Variants in SIRT6 observed in about 807,000 individuals in gnomAD.
SIRT6 encodes the protein NAD-dependent protein deacylase sirtuin-6.
A neutral mutation model predicts 33.6 loss-of-function variants in SIRT6; 21 were observed. The observed-to-expected ratio is 0.62, with a 90% confidence interval of 0.44 to 0.90. SIRT6 has a LOEUF of 0.90. Among genes scored for constraint, SIRT6 ranks in the 40% least tolerant of loss-of-function variants. The pLI is 0.00. For synonymous variants in SIRT6, 221 were observed against 223.9 expected (o/e 0.99, Z 0.12); for missense variants, 504 against 510.6 (o/e 0.99, Z 0.12).
chr19:4,175,088 C>A lies in SIRT6; in HGVS notation c.678G>T (p.Pro226=), dbSNP rs373335637. The change falls in exon 7 of 8, where the codon CCG becomes CCT. Residue 226 remains proline, a synonymous_variant. Transcript: ENST00000337491. The stretch of plus-strand genomic sequence containing the variant: ...GGCCTCCCCGGCGCTTGGTAGCCAG[C>A]GGCAGGTTCCCGCTGGGCCGGATCT... ...SLQIRPSGNL[P]LATKRRGGRL... 8.2e-6 allele frequency: 13 copies of A among 1,583,576 alleles called. No individual in the cohort carries two copies. Among genetic ancestry groups the A allele is most frequent in the Non-Finnish European group, 1.1e-5 (13 of 1,166,456 alleles).
In SIRT6 at chr19:4,180,919, G is replaced by T. The variant is rs148090394; in HGVS notation, c.67-10C>A. ...CCGGGGGGTCGAAGATCTGTGGGGG[G>T]AGAGAGCAGACGGAGGGGTCAAAAC... On this transcript the variant is annotated splice_polypyrimidine_tract_variant and intron_variant, in intron 1 of 7. Transcript: ENST00000337491. The T allele has an allele frequency of 1.3e-5, 21 of 1,606,518 alleles. No homozygotes were observed. Among genetic ancestry groups the T allele is most frequent in the Non-Finnish European group, 1.6e-5 (19 of 1,176,610 alleles).
chr19:4,180,093 CTTTTTTTTTTTTT>C (rs71166971), intron 2 of SIRT6, among the ~76,000 whole-genome samples: 11 of 45,902 alleles, frequency 2.4e-4, no homozygotes, highest in Non-Finnish European at 3.4e-4. Flanking sequence ...CACGCCTTGG[CTTTTTTTTTTTTT>C]TTTTTTTTTT....
rs149696389 is a variant in SIRT6 at position 4,175,315 on chromosome 19, C to T, written c.615-164G>A. The T allele has an allele frequency of 3.7e-4, 351 of 955,666 alleles. 2 individuals are homozygous for T. The African/African-American group carries it at 5.1e-3, about 14-fold the overall frequency. 59.2% of individuals were successfully genotyped at this position (955,666 alleles called of 1,614,324 possible). ...TGGGATCCCGCCCTGCCCTCCTCTG[C>T]GGTCCGTTGGCGGGGTCATTGATCT... On this transcript the variant is annotated intron_variant, in intron 6 of 7. Transcript: ENST00000337491.
At chr19:4,178,268 G>A (rs956002378) in intron 3 of SIRT6, among the ~76,000 whole-genome samples, 1 of 151,314 alleles carries the variant, frequency 6.6e-6, no homozygotes. Flanking sequence ...CTCGTGATCC[G>A]CCTGCCTCGG....
rs558945354 is a variant in SIRT6, at chr19:4,180,367, G to A, written c.194+415C>T. Among the ~76,000 whole-genome samples the A allele has an allele frequency of 1.5e-4, 23 of 152,098 alleles. No individual in the cohort carries two copies. The South Asian group carries it at 1.9e-3, about 12-fold the overall frequency. ...GGCCAATGAGGTGAGTGGAATGCTG[G>A]TTGTGACAAGGGACACATCTTTTTG... On this transcript the variant is annotated intron_variant, in intron 2 of 7. Transcript: ENST00000337491.
intron 1 of SIRT6, among the ~76,000 whole-genome samples, chr19:4,181,561 T>C (rs1043443242): frequency 2.0e-5 from 3 of 152,096 alleles, no homozygotes; most frequent in Admixed American, 2.0e-4. Flanking sequence ...CCAAGGTGGG[T>C]GGATCACTTG....
At chr19:4,179,376 GGA>G (rs1967494977) in intron 2 of SIRT6, 90 bp from the exon 3 acceptor site, 4 of 1,352,994 alleles carry the variant, frequency 3.0e-6, no homozygotes, top group Non-Finnish European at 4.0e-6. Flanking sequence ...AGAGAAAGTT[GGA>G]GAGAGAGAAA....
chr19:4,180,832 C>T lies in SIRT6; in HGVS notation c.144G>A (p.Val48=), dbSNP rs755108504. The change falls in exon 2 of 8, where the codon GTG becomes GTA. Residue 48 remains valine (V), a synonymous_variant. Coordinates refer to ENST00000337491, the MANE Select transcript of SIRT6 (RefSeq NM_016539.4). The stretch of plus-strand genomic sequence containing the variant: ...TGCTGATGCCGGCACCCGTGTGGAA[C>T]ACCACACTGGAAGACTGCCAGACCA... ...ARLVWQSSSV[V]FHTGAGISTA... is the part of the protein sequence containing the mutation. 1.2e-6 allele frequency: 2 copies of T among 1,613,718 alleles called. No individual in the cohort carries two copies. The highest frequency in any genetic ancestry group is 2.2e-5 in the South Asian group (2 of 91,054).
At chr19:4,179,951 C>G (rs1967526864) in intron 2 of SIRT6, among the ~76,000 whole-genome samples, 1 of 151,972 alleles carries the variant, frequency 6.6e-6, no homozygotes, top group African/African-American at 2.4e-5. Flanking sequence ...GCAGGAGGGG[C>G]TGAAGTTGGA....
Position 4,174,817 on chromosome 19 carries a change from G to GCCCCCCCCCCCCCCCC in SIRT6, c.867_868insGGGGGGGGGGGGGGGG (p.Pro290GlyfsTer143). The GCCCCCCCCCCCCCCCC allele has an allele frequency of 2.2e-6, 1 of 447,466 alleles. No individual in the cohort carries two copies. The highest frequency in any genetic ancestry group is 4.4e-6 in the Non-Finnish European group (1 of 228,982). 27.7% of individuals were successfully genotyped at this position (447,466 alleles called of 1,614,324 possible). On this transcript the variant is annotated frameshift_variant, in exon 8 of 8. Transcript: ENST00000337491. LOFTEE classifies it low-confidence loss of function (END_TRUNC). The surrounding 1 kb of genome is among the most constrained non-coding windows in gnomAD (Gnocchi z 4.2). ...TCCAGCTTGGGGGTGGGCGGGCGGG[G>GCCCCCCCCCCCCCCCC]CAGGGGTGGCAGCGCCCTCTCCAGC... is the stretch of plus-strand genomic sequence containing the variant.
At chr19:4,178,412 C>A (rs375391598) in intron 3 of SIRT6, among the ~76,000 whole-genome samples, 1 of 152,202 alleles carries the variant, frequency 6.6e-6, no homozygotes, top group African/African-American at 2.4e-5. Context: ...ACTGACCTGG[C>A]TGTCATTGGT....
At position 4,175,100 on chromosome 19, in the gene SIRT6, G is replaced by A. The variant is rs772005596; in HGVS notation, c.666C>T (p.Ser222=). ...GCTTGGTAGCCAGCGGCAGGTTCCC[G>A]CTGGGCCGGATCTGCAGCGATGTAC... ...TLGTSLQIRP[S]GNLPLATKRR... is the part of the protein sequence containing the mutation. The change falls in exon 7 of 8, where the codon AGC becomes AGT. Residue 222 remains serine, a synonymous_variant. Coordinates refer to ENST00000337491, the MANE Select transcript of SIRT6 (RefSeq NM_016539.4). 19 of 1,579,322 alleles carry A rather than the reference G, an allele frequency of 1.2e-5. No individual in the cohort carries two copies. In the African/African-American group the frequency reaches 1.6e-4, roughly 13 times the overall value.
At chr19:4,180,412 C>T (rs1241150755) in intron 2 of SIRT6, among the ~76,000 whole-genome samples, 2 of 152,076 alleles carry the variant, frequency 1.3e-5, no homozygotes, top group Non-Finnish European at 2.9e-5. Flanking sequence ...TAGACGGAGC[C>T]TCACTCTGTC....
At chr19:4,176,575 C>T (rs1181196766) in intron 4 of SIRT6, among the ~76,000 whole-genome samples, 4 of 152,080 alleles carry the variant, frequency 2.6e-5, no homozygotes, top group South Asian at 2.1e-4. Context: ...GATGACAGAG[C>T]GGGACTGTCT....
chr19:4,179,014 G>A, intron 3 of SIRT6, 90 bp downstream of exon 3: 1 of 1,480,894 alleles, frequency 6.8e-7, no homozygotes, highest in Non-Finnish European at 9.1e-7. Flanking sequence ...GAATCTTATA[G>A]AACCAGGAAA....
intron 6 of SIRT6, 131 bp from the exon 7 acceptor site, chr19:4,175,282 T>A: frequency 7.7e-7 from 1 of 1,306,048 alleles, no homozygotes; most frequent in Non-Finnish European, 1.0e-6. Context: ...CACTCCCGAG[T>A]CAGCCTTTGG....
chr19:4,180,657 T>A, intron 2 of SIRT6, 125 bp downstream of exon 2: 2 of 1,250,740 alleles, frequency 1.6e-6, no homozygotes, highest in Non-Finnish European at 1.1e-6. Flanking sequence ...TTAAAGGGAG[T>A]ACCCAGGACA....
At chr19:4,180,757 C>T (rs201378490) in intron 2 of SIRT6, 25 bp downstream of exon 2, 43 of 1,584,806 alleles carry the variant, frequency 2.7e-5, no homozygotes, top group African/African-American at 9.4e-5. Flanking sequence ...GGCCTTGCCT[C>T]GACTTCCCCT....
Position 4,180,919 on chromosome 19 carries a change from G to C in SIRT6, c.67-10C>G. On this transcript the variant is annotated splice_polypyrimidine_tract_variant and intron_variant, in intron 1 of 7. Transcript: ENST00000337491. ...CCGGGGGGTCGAAGATCTGTGGGGG[G>C]AGAGAGCAGACGGAGGGGTCAAAAC... 16 of 1,606,636 alleles carry C rather than the reference G, an allele frequency of 1.0e-5. No homozygotes were observed. The highest frequency in any genetic ancestry group is 1.4e-5 in the Non-Finnish European group (16 of 1,176,602).
Sources: gnomAD v4.1 joint callset for allele counts (sites outside exome capture counted in the v4.1 genomes callset) on GRCh38, gnomAD v4.1.1 for gene constraint, Gnocchi (gnomAD v3.1) non-coding constraint, MANE v1.5 for transcripts, NCBI Gene and HGNC (gene_info 2026-07-23, HGNC 2026-07-21) for gene names.